The following NRXN1 variants were observed in gnomAD, a reference collection of about 807,000 sequenced individuals.
NRXN1 encodes the protein neurexin 1, also known as neurexin-1.
NRXN1 carries 39 observed loss-of-function variants against 150.9 expected under a neutral mutation model. The observed-to-expected ratio is 0.26, with a 90% CI of 0.20 to 0.34. NRXN1 has a LOEUF of 0.34. NRXN1 is among the 10% of genes least tolerant of loss of function. The probability of loss-of-function intolerance (pLI) is 1.00; values close to 1 mark genes in which losing one functional copy is unlikely to be tolerated. For missense variants in NRXN1, 1,815 were observed against 1,949.9 expected (o/e 0.93, Z 1.30); for synonymous variants, 924 against 757.0 (o/e 1.22, Z -3.62).
At chr2:50,870,506 T>C (rs1038464535) in intron 5 of NRXN1, among the ~76,000 whole-genome samples, 4 of 151,966 alleles carry the variant, frequency 2.6e-5, no homozygotes, top group East Asian at 3.9e-4. Context: ...TGGCTTCCTA[T>C]GTAGTCCTAA....
intron 18 of NRXN1, among the ~76,000 whole-genome samples, chr2:50,151,646 G>T (rs114951924): frequency 0.012 from 1,765 of 151,896 alleles, 36 homozygotes; most frequent in African/African-American, 0.041. Context: ...GAAACAGAAA[G>T]TAGATTAGTG....
intron 21 of NRXN1, among the ~76,000 whole-genome samples, chr2:49,972,394 C>T (rs1251860797): frequency 6.6e-6 from 1 of 152,042 alleles, no homozygotes; most frequent in East Asian, 1.9e-4. Context: ...CTGTAAATGG[C>T]CATCTATTAA....
chr2:50,426,338 T>C (rs2084488363), intron 17 of NRXN1, among the ~76,000 whole-genome samples: 1 of 152,218 alleles, frequency 6.6e-6, no homozygotes, highest in South Asian at 2.1e-4. Context: ...TCTAGATGAC[T>C]TTTATTAATT....
intron 5 of NRXN1, among the ~76,000 whole-genome samples, chr2:50,853,343 T>C (rs17504614): frequency 0.17 from 26,391 of 152,052 alleles, 2,525 homozygotes; most frequent in Non-Finnish European, 0.19. Context: ...GAGAAATAAT[T>C]CTTCATGTCC....
At chr2:50,489,996 T>C (rs2091154521) in intron 15 of NRXN1, among the ~76,000 whole-genome samples, 1 of 152,178 alleles carries the variant, frequency 6.6e-6, no homozygotes, top group African/African-American at 2.4e-5. Context: ...TTGAGACAAA[T>C]TCTGCAAAAC....
intron 8 of NRXN1, among the ~76,000 whole-genome samples, chr2:50,572,705 G>A (rs887887672): frequency 4.6e-5 from 7 of 152,130 alleles, no homozygotes; most frequent in Non-Finnish European, 8.8e-5. Flanking sequence ...TTTCTAACAA[G>A]TGATAAACCC....
intron 8 of NRXN1, among the ~76,000 whole-genome samples, chr2:50,603,538 T>C (rs1324369370): frequency 6.6e-6 from 1 of 152,204 alleles, no homozygotes; most frequent in African/African-American, 2.4e-5. Context: ...GGTTTGTTAG[T>C]TTGCTTTTGA....
intron 5 of NRXN1, among the ~76,000 whole-genome samples, chr2:50,895,730 G>A (rs1381294214): frequency 2.0e-5 from 3 of 151,716 alleles, no homozygotes; most frequent in African/African-American, 7.3e-5. Context: ...ACAGGAGTGC[G>A]CCACCACGCC....
chr2:49,971,693 G>A (rs767985930), intron 21 of NRXN1, among the ~76,000 whole-genome samples: 1 of 152,188 alleles, frequency 6.6e-6, no homozygotes, highest in Non-Finnish European at 1.5e-5. Flanking sequence ...CAAGTGAGGA[G>A]CATATTGCTG....
chr2:50,794,540 C>T (rs753630849), intron 5 of NRXN1, among the ~76,000 whole-genome samples: 1 of 152,102 alleles, frequency 6.6e-6, no homozygotes, highest in Non-Finnish European at 1.5e-5. Flanking sequence ...GTAGGTAATG[C>T]ACTATCTTCC....
intron 18 of NRXN1, among the ~76,000 whole-genome samples, chr2:50,107,539 A>ATTTTT (rs1230095218): frequency 3.1e-5 from 4 of 129,884 alleles, no homozygotes; most frequent in Admixed American, 8.1e-5. Flanking sequence ...ATATATATAT[A>ATTTTT]TTTTTTTTTT....
chr2:50,888,829 C>T (rs1395145611), intron 5 of NRXN1, among the ~76,000 whole-genome samples: 1 of 151,532 alleles, frequency 6.6e-6, no homozygotes, highest in Non-Finnish European at 1.5e-5. Flanking sequence ...AAATCATTAC[C>T]TACATTCTAT....
At chr2:50,580,518 A>G (rs964122098) in intron 8 of NRXN1, among the ~76,000 whole-genome samples, 1 of 152,252 alleles carries the variant, frequency 6.6e-6, no homozygotes, top group Non-Finnish European at 1.5e-5. Context: ...CTCTAGAAAT[A>G]AAACTGAGTG....
At chr2:50,518,342 A>G (rs528293688) in intron 12 of NRXN1, among the ~76,000 whole-genome samples, 4 of 152,158 alleles carry the variant, frequency 2.6e-5, no homozygotes, top group South Asian at 2.1e-4. Context: ...CAAAAGGTCA[A>G]TTCCAAGGGA....
rs189606285 is a variant in NRXN1, at chr2:50,535,689, T to C, written c.2143+2564A>G. Among the ~76,000 whole-genome samples, 12 of 152,302 alleles carry C rather than the reference T, an allele frequency of 7.9e-5. No individual in the cohort carries two copies. The East Asian group carries it at 2.3e-3, about 29-fold the overall frequency. On this transcript the variant is annotated intron_variant, in intron 10 of 22. Coordinates refer to ENST00000401669, the MANE Select transcript of NRXN1 (RefSeq NM_001330078.2). ...ACATTATTTCTGTACTACTCCTTCTTATAGGATCAATACATGTAAAACAAA... is the reference window on the plus strand; with the variant it reads ...ACATTATTTCTGTACTACTCCTTCTCATAGGATCAATACATGTAAAACAAA...
At position 50,014,155 on chromosome 2, in the gene NRXN1, T is replaced by C. The variant is rs72889507; in HGVS notation, c.4128+39116A>G. ...GAGTATGGATGGAGAGAGGGGATTA[T>C]AGCAGAGCGAATAGTGTTGAAGTCT... On this transcript the variant is annotated intron_variant, in intron 21 of 22. Coordinates refer to ENST00000401669, the MANE Select transcript of NRXN1 (RefSeq NM_001330078.2). Among the ~76,000 whole-genome samples the C allele has an allele frequency of 4.9e-3, 747 of 152,006 alleles. 8 individuals are homozygous for C. The highest frequency in any genetic ancestry group is 0.017 in the African/African-American group (723 of 41,498).
intron 8 of NRXN1, among the ~76,000 whole-genome samples, chr2:50,554,230 T>C (rs1185326257): frequency 6.6e-6 from 1 of 152,152 alleles, no homozygotes; most frequent in Non-Finnish European, 1.5e-5. Flanking sequence ...GTGTTTTATA[T>C]AATATATGTA....
intron 8 of NRXN1, among the ~76,000 whole-genome samples, chr2:50,576,194 C>G (rs1193156683): frequency 1.3e-5 from 2 of 152,100 alleles, no homozygotes; most frequent in Non-Finnish European, 2.9e-5. Flanking sequence ...ATAGTTAAAG[C>G]TGCAGCAGTG....
rs71404978 is a variant in NRXN1, at chr2:50,865,658, G to GTTTTTTTTTTT, written c.832+56200_832+56210dup. 2.3e-3 allele frequency among the ~76,000 whole-genome samples: 95 copies of GTTTTTTTTTTT among 41,856 alleles called. 30 individuals carry two copies. The highest frequency in any genetic ancestry group is 3.7e-3 in the South Asian group (3 of 804). 27.5% of individuals were successfully genotyped at this position (41,856 alleles called of 152,430 possible). A position where few individuals can be genotyped will look rare whatever the true frequency, so the allele number is the denominator to read the frequency against. On this transcript the variant is annotated intron_variant, in intron 5 of 22. Transcript: ENST00000401669. The stretch of plus-strand genomic sequence containing the variant: ...AGTAATTCCCAGTAAGCATTTGAAA[G>GTTTTTTTTTTT]TTTTTTTTTTTTTTTTTTTTTTTTT...
Sources: allele counts gnomAD v4.1 joint callset (sites outside exome capture counted in the v4.1 genomes callset), GRCh38; gene constraint gnomAD v4.1.1; transcripts MANE v1.5; gene names NCBI Gene and HGNC (gene_info 2026-07-23, HGNC 2026-07-21).